The following SKAP1 variants were observed in gnomAD, a reference collection of about 807,000 sequenced individuals.
SKAP1 encodes the protein src kinase associated phosphoprotein 1.
In SKAP1, 44 loss-of-function variants were observed where a neutral mutation model predicts 58.5. The ratio of observed to expected loss-of-function variants is 0.75; its 90% confidence interval spans 0.59 to 0.97. The LOEUF (loss-of-function observed/expected upper bound fraction) is 0.97. Ranked by LOEUF, SKAP1 falls within the 50% of genes least tolerant of loss-of-function variation. The pLI is 0.00. For missense variants in SKAP1, 390 were observed against 435.2 expected, an observed-to-expected ratio of 0.90 and a Z score of 0.92; for synonymous variants, 127 against 149.7, an observed-to-expected ratio of 0.85 and a Z score of 1.11.
At chr17:48,346,474 A>G (rs886075559) in intron 3 of SKAP1, among the ~76,000 whole-genome samples, 2 of 152,002 alleles carry the variant, frequency 1.3e-5, no homozygotes, top group African/African-American at 4.8e-5. Context: ...AAATACAAAA[A>G]TTAGCAGGGT....
intron 4 of SKAP1, chr17:48,294,441 C>T (rs1314691088): frequency 1.3e-5 from 2 of 152,128 alleles, no homozygotes; most frequent in African/African-American, 2.4e-5. Flanking sequence ...CTGAATAGCT[C>T]ACAAAGGACG....
At chr17:48,153,030 C>T (rs888995465) in intron 11 of SKAP1, among the ~76,000 whole-genome samples, 1 of 36,170 alleles carries the variant, frequency 2.8e-5, no homozygotes, top group African/African-American at 5.9e-5. Context: ...CATGGACACA[C>T]ACACACACAC....
At chr17:48,274,608 A>G (rs1392252199) in intron 4 of SKAP1, among the ~76,000 whole-genome samples, 1 of 151,982 alleles carries the variant, frequency 6.6e-6, no homozygotes, top group African/African-American at 2.4e-5. Context: ...AGGCAGAAGA[A>G]TCGCTTGAAC....
At chr17:48,225,021 TA>T (rs2065051175) in intron 4 of SKAP1, among the ~76,000 whole-genome samples, 1 of 152,180 alleles carries the variant, frequency 6.6e-6, no homozygotes, top group Admixed American at 6.5e-5. Context: ...CAAATAACTA[TA>T]GGGGGCAGAA....
intron 1 of SKAP1, among the ~76,000 whole-genome samples, chr17:48,410,949 A>AG (rs2067655823): frequency 6.6e-6 from 1 of 150,892 alleles, no homozygotes; most frequent in African/African-American, 2.4e-5. Flanking sequence ...AAAAAAAAAA[A>AG]AAAAAAAAGA....
chr17:48,335,517 A>G (rs2066556488), intron 4 of SKAP1, among the ~76,000 whole-genome samples: 2 of 152,080 alleles, frequency 1.3e-5, no homozygotes, highest in Admixed American at 1.3e-4. Flanking sequence ...ACACCAGTTC[A>G]GTGTCTTCTT....
At chr17:48,315,958 G>A (rs1343615916) in intron 4 of SKAP1, among the ~76,000 whole-genome samples, 1 of 152,060 alleles carries the variant, frequency 6.6e-6, no homozygotes. Context: ...CTGGTCCCAA[G>A]CATTTGGGAT....
chr17:48,159,512 G>A (rs1165637684), intron 11 of SKAP1, among the ~76,000 whole-genome samples: 2 of 152,158 alleles, frequency 1.3e-5, no homozygotes, highest in Admixed American at 6.6e-5. Context: ...ACCACTTTCC[G>A]GGACTAAATT....
chr17:48,246,084 A>G (rs1319783308), intron 4 of SKAP1, among the ~76,000 whole-genome samples: 1 of 152,228 alleles, frequency 6.6e-6, no homozygotes, highest in African/African-American at 2.4e-5. Flanking sequence ...TAAATCACTT[A>G]GAACAGAGCC....
intron 8 of SKAP1, 69 bp from the exon 9 acceptor site, chr17:48,180,317 G>A (rs2064351745): frequency 3.4e-6 from 4 of 1,180,458 alleles, no homozygotes; most frequent in Admixed American, 2.7e-5. Flanking sequence ...AAGGAAAGAG[G>A]GAGAAGGAGG....
intron 4 of SKAP1, among the ~76,000 whole-genome samples, chr17:48,277,710 G>A (rs560975396): frequency 6.6e-6 from 1 of 152,278 alleles, no homozygotes; most frequent in African/African-American, 2.4e-5. Context: ...GTCTTGCTCT[G>A]TTGCCCAGGC....
intron 2 of SKAP1, among the ~76,000 whole-genome samples, chr17:48,391,516 T>C (rs183525521): frequency 1.3e-5 from 2 of 152,302 alleles, no homozygotes; most frequent in Admixed American, 1.3e-4. Flanking sequence ...TTCACAAAAC[T>C]CTTTAACTCA....
chr17:48,405,469 TC>T (rs1237875759), intron 1 of SKAP1, among the ~76,000 whole-genome samples: 1 of 146,744 alleles, frequency 6.8e-6, no homozygotes, highest in Non-Finnish European at 1.5e-5. Context: ...TTTCTTTCCT[TC>T]CTTCCTTCTT....
chr17:48,320,759 AT>A (rs35058651), intron 4 of SKAP1, among the ~76,000 whole-genome samples: 30,686 of 149,352 alleles, frequency 0.21, 3,126 homozygotes, highest in Non-Finnish European at 0.22. Flanking sequence ...ACCTCCACCA[AT>A]TTTTTTTTTT....
intron 4 of SKAP1, among the ~76,000 whole-genome samples, chr17:48,192,192 T>A (rs2064555387): frequency 7.0e-6 from 1 of 143,670 alleles, no homozygotes; most frequent in African/African-American, 2.5e-5. Flanking sequence ...AAAAAAAAAA[T>A]TGCTCCTGGA....
chr17:48,167,263 C>T (rs1279844656), intron 10 of SKAP1, among the ~76,000 whole-genome samples: 1 of 152,176 alleles, frequency 6.6e-6, no homozygotes, highest in East Asian at 1.9e-4. Context: ...TTGGATAATA[C>T]CATTTGCTTA....
rs116927954 is a variant in SKAP1, at chr17:48,230,679, C to A, written c.281-41179G>T. On this transcript the variant is annotated intron_variant, in intron 4 of 12. Coordinates refer to ENST00000336915, the MANE Select transcript of SKAP1 (RefSeq NM_003726.4). Reference sequence around the variant, plus strand: ...GCTGAGGTGGGAGGATCCCCTGAGCCTGGGGAGATAGAGGCTACGGTGAGC... The same window carrying A: ...GCTGAGGTGGGAGGATCCCCTGAGCATGGGGAGATAGAGGCTACGGTGAGC... Among the ~76,000 whole-genome samples, 884 of 152,144 alleles carry A rather than the reference C, an allele frequency of 5.8e-3. 48 individuals carry two copies. In the East Asian group the frequency reaches 0.13, roughly 22 times the overall value.
At chr17:48,167,223 A>G (rs1248452747) in intron 10 of SKAP1, among the ~76,000 whole-genome samples, 2 of 152,182 alleles carry the variant, frequency 1.3e-5, no homozygotes, top group African/African-American at 4.8e-5. Context: ...CAAGCCCCCA[A>G]TGACTGTGGC....
At chr17:48,324,510 AAGCTTCAAAAAGTGGG>A (rs1196561398) in intron 4 of SKAP1, among the ~76,000 whole-genome samples, 1 of 152,088 alleles carries the variant, frequency 6.6e-6, no homozygotes, top group African/African-American at 2.4e-5. Context: ...ACATATACAT[AAGCTTCAAAAAGTGGG>A]AGCTCACTGT....
Sources: allele counts gnomAD v4.1 joint callset (sites outside exome capture counted in the v4.1 genomes callset), GRCh38; gene constraint gnomAD v4.1.1; transcripts MANE v1.5; gene names NCBI Gene and HGNC (gene_info 2026-07-23, HGNC 2026-07-21).